The following TNKS variants were observed in gnomAD, a reference collection of about 807,000 sequenced individuals.
TNKS encodes tankyrase, also known as poly [ADP-ribose] polymerase tankyrase-1.
TNKS carries 72 observed loss-of-function variants against 135.8 expected under a neutral mutation model. The ratio of observed to expected loss-of-function variants is 0.53; its 90% confidence interval spans 0.44 to 0.64. TNKS has a LOEUF of 0.64. Among genes scored for constraint, TNKS ranks in the 30% least tolerant of loss-of-function variants. TNKS has a pLI of 0.00. For missense variants in TNKS, 1,769 were observed against 1,674.0 expected (o/e 1.06, Z -0.99); for synonymous variants, 849 against 649.3 (o/e 1.31, Z -4.68).
At chr8:9,621,060 A>G (rs1459358188) in intron 3 of TNKS, among the ~76,000 whole-genome samples, 1 of 152,260 alleles carries the variant, frequency 6.6e-6, no homozygotes, top group African/African-American at 2.4e-5. Context: ...ATTTTATGCC[A>G]ATAGTTTTAA....
intron 25 of TNKS, among the ~76,000 whole-genome samples, chr8:9,767,402 C>G (rs953623082): frequency 1.3e-5 from 2 of 152,156 alleles, no homozygotes; most frequent in African/African-American, 4.8e-5. Flanking sequence ...TGTAAACTTA[C>G]TTACCAAATG....
Position 9,780,390 on chromosome 8 carries a change from T to C in TNKS, c.*3654T>C, listed in dbSNP as rs927520302. 6.6e-6 allele frequency: 1 copy of C among 152,242 alleles called. No individual in the cohort carries two copies. The highest frequency in any genetic ancestry group is 1.5e-5 in the Non-Finnish European group (1 of 68,042). The allele number at this position is 152,242 out of a possible 1,614,324, so 9.4% of individuals were successfully genotyped here. On this transcript the variant is annotated 3_prime_UTR_variant, in exon 27 of 27. Transcript: ENST00000310430. ...CGTAAAGCTATAGACCTTACTAATT[T>C]GGCAGGTATTCAAAACTGCCATTAA... is the stretch of plus-strand genomic sequence containing the variant.
chr8:9,595,553 A>C (rs1272893804), intron 2 of TNKS, among the ~76,000 whole-genome samples: 1 of 149,476 alleles, frequency 6.7e-6, no homozygotes, highest in African/African-American at 2.5e-5. Context: ...TATACACATA[A>C]CATATATATA....
chr8:9,736,350 TAAA>T (rs1204895063), intron 17 of TNKS, among the ~76,000 whole-genome samples: 2 of 87,428 alleles, frequency 2.3e-5, no homozygotes, highest in Admixed American at 1.5e-4. Flanking sequence ...AGACCTCATC[TAAA>T]AAAAAAAAAA....
chr8:9,700,582 C>A (rs549554491), intron 5 of TNKS, among the ~76,000 whole-genome samples: 5 of 148,062 alleles, frequency 3.4e-5, no homozygotes, highest in Admixed American at 6.9e-5. Flanking sequence ...TTATTTCCCT[C>A]TGGGCTCTCC....
intron 3 of TNKS, among the ~76,000 whole-genome samples, chr8:9,654,851 CAA>C (rs1352147552): frequency 6.6e-6 from 1 of 152,196 alleles, no homozygotes; most frequent in African/African-American, 2.4e-5. Flanking sequence ...TCTGCATTTC[CAA>C]CTGAGGTACC....
chr8:9,663,041 C>CAGAGACGATCTGATGACAGAATT (rs1479571844), intron 3 of TNKS, among the ~76,000 whole-genome samples: 1 of 152,186 alleles, frequency 6.6e-6, no homozygotes, highest in African/African-American at 2.4e-5. Flanking sequence ...GGCTCAGAAT[C>CAGAGACGATCTGATGACAGAATT]AGAGACGATC....
In TNKS at chr8:9,779,547, T is replaced by G. The variant is rs576829964; in HGVS notation, c.*2811T>G. ...GCTGGATACTTGACTCAGGCATAAATTAAGTGCCCTGGTCCCGAACTTTCT... is the reference window on the plus strand; with the variant it reads ...GCTGGATACTTGACTCAGGCATAAAGTAAGTGCCCTGGTCCCGAACTTTCT... On this transcript the variant is annotated 3_prime_UTR_variant, in exon 27 of 27. Coordinates refer to ENST00000310430, the MANE Select transcript of TNKS (RefSeq NM_003747.3). The G allele has an allele frequency of 6.6e-6, 1 of 152,292 alleles. No homozygotes were observed. Among genetic ancestry groups the G allele is most frequent in the Admixed American group, 6.5e-5 (1 of 15,300 alleles). The allele number at this position is 152,292 out of a possible 1,614,324, so 9.4% of individuals were successfully genotyped here.
chr8:9,709,321 T>C (rs1213415725), intron 9 of TNKS, among the ~76,000 whole-genome samples: 1 of 152,208 alleles, frequency 6.6e-6, no homozygotes, highest in African/African-American at 2.4e-5. Flanking sequence ...GAGATATTCA[T>C]AGCCACAGAA....
intron 3 of TNKS, among the ~76,000 whole-genome samples, chr8:9,626,257 G>T (rs996814460): frequency 6.6e-6 from 1 of 151,962 alleles, no homozygotes; most frequent in African/African-American, 2.4e-5. Context: ...CAGATTTTTC[G>T]ATTCTTTTAC....
intron 16 of TNKS, 29 bp downstream of exon 16, chr8:9,735,113 C>T (rs770160707): frequency 6.3e-7 from 1 of 1,597,112 alleles, no homozygotes; most frequent in East Asian, 2.2e-5. Flanking sequence ...TCCAAGCCTC[C>T]TTTTCCTTTC....
intron 11 of TNKS, among the ~76,000 whole-genome samples, chr8:9,715,335 C>A (rs2128810779): frequency 6.9e-6 from 1 of 144,368 alleles, no homozygotes; most frequent in East Asian, 2.0e-4. Flanking sequence ...AGGAAAGTAG[C>A]AAGGAAAGAG....
intron 1 of TNKS, among the ~76,000 whole-genome samples, chr8:9,568,899 C>A (rs1797653037): frequency 6.6e-6 from 1 of 152,140 alleles, no homozygotes; most frequent in African/African-American, 2.4e-5. Flanking sequence ...TTTTATACTT[C>A]TGCTGTGTTA....
At chr8:9,706,055 ATTATT>A (rs1303710458) in intron 6 of TNKS, 127 bp from the exon 7 acceptor site, 2 of 497,132 alleles carry the variant, frequency 4.0e-6, no homozygotes, top group Admixed American at 4.4e-5. Flanking sequence ...GAATTCTTTT[ATTATT>A]TTATTAAATA....
At chr8:9,635,525 G>C (rs1800476473) in intron 3 of TNKS, among the ~76,000 whole-genome samples, 1 of 152,188 alleles carries the variant, frequency 6.6e-6, no homozygotes. Context: ...TTGATGAGCA[G>C]CTGTATAATT....
At chr8:9,669,021 A>G (rs1802137493) in intron 3 of TNKS, among the ~76,000 whole-genome samples, 1 of 152,206 alleles carries the variant, frequency 6.6e-6, no homozygotes, top group Non-Finnish European at 1.5e-5. Flanking sequence ...TAACTGAATT[A>G]AGGGCTAGAG....
chr8:9,733,281 G>A lies in TNKS; in HGVS notation c.2150G>A (p.Gly717Asp). The A allele has an allele frequency of 6.4e-7, 1 of 1,557,744 alleles. No individual in the cohort carries two copies. Among genetic ancestry groups the A allele is most frequent in the Non-Finnish European group, 8.6e-7 (1 of 1,159,706 alleles). ...TAAAATAACTTTCTTTTGTTTAGTG[G>A]CTTGGTGCCCCTTCATAATGCCTGT... ...GADVHAKDKG[G>D]LVPLHNACSY... Residue 717 changes from glycine to aspartate, a missense_variant and splice_region_variant, in exon 15 of 27, where the codon GGC (glycine) becomes GAC (aspartate). Around this residue, in one of 5 missense-constraint regions of TNKS, gnomAD observed 69 missense variants for 120.3 expected, o/e 0.57. Transcript: ENST00000310430.
At chr8:9,573,926 C>T (rs1797851063) in intron 1 of TNKS, among the ~76,000 whole-genome samples, 3 of 152,096 alleles carry the variant, frequency 2.0e-5, no homozygotes, top group African/African-American at 7.2e-5. Context: ...TATTGGCCAT[C>T]GTTCCATGGA....
intron 3 of TNKS, among the ~76,000 whole-genome samples, chr8:9,655,056 C>T (rs1311571583): frequency 1.3e-5 from 2 of 152,198 alleles, no homozygotes; most frequent in Non-Finnish European, 2.9e-5. Context: ...CCTAAAACTG[C>T]ACTTTTCCAA....
Sources: gnomAD v4.1 joint callset for allele counts (sites outside exome capture counted in the v4.1 genomes callset) on GRCh38, gnomAD v4.1.1 for gene constraint, gnomAD v4.1.1 regional missense constraint, MANE v1.5 for transcripts, NCBI Gene and HGNC (gene_info 2026-07-23, HGNC 2026-07-21) for gene names.